MUC5B: variants seen among roughly 807,000 people sequenced by gnomAD.
MUC5B encodes the protein mucin-5B.
Under a neutral mutation model 376.9 loss-of-function variants are expected in MUC5B, and 116 were observed. The observed-to-expected ratio is 0.31, with a 90% CI of 0.26 to 0.36. The LOEUF is 0.36. Among genes scored for constraint, MUC5B ranks in the 10% least tolerant of loss-of-function variants. The pLI, the probability that MUC5B is intolerant of heterozygous loss-of-function variation, is 1.00. For synonymous variants in MUC5B, 3,517 were observed against 3,390.9 expected, an observed-to-expected ratio of 1.04 and a Z score of -1.29; for missense variants, 7,165 against 7,769.9, an observed-to-expected ratio of 0.92 and a Z score of 2.93.
chr11:1,248,328 G>A lies in MUC5B; in HGVS notation c.11448G>A (p.Thr3816=), dbSNP rs541243156. ...GCCTATCACAGACCACCACACCCACGGCCACCATGTCCACAGCCACACCCT... is the reference window on the plus strand; with the variant it reads ...GCCTATCACAGACCACCACACCCACAGCCACCATGTCCACAGCCACACCCT... ...WTRLSQTTTP[T]ATMSTATPSS... Residue 3816 remains threonine, a synonymous_variant, in exon 31 of 49, where the codon ACG becomes ACA. Coordinates refer to ENST00000529681, the MANE Select transcript of MUC5B (RefSeq NM_002458.3). 64 of 1,609,644 alleles carry A rather than the reference G, an allele frequency of 4.0e-5. No homozygotes were observed. Among genetic ancestry groups the A allele is most frequent in the South Asian group, 3.3e-4 (30 of 90,776 alleles).
In MUC5B at chr11:1,228,096, C is replaced by T. The variant is rs928274828; in HGVS notation, c.774+315C>T. Among the ~76,000 whole-genome samples, 17 of 152,204 alleles carry T rather than the reference C, an allele frequency of 1.1e-4. 1 individual carries two copies. The South Asian group carries it at 3.5e-3, about 32-fold the overall frequency. On this transcript the variant is annotated intron_variant, in intron 7 of 48. Coordinates refer to ENST00000529681, the MANE Select transcript of MUC5B (RefSeq NM_002458.3). ...ACCAGCAGGTGGACTCAGAAGGGGC[C>T]TGGAGGCTCCAGGATCCCCAAACCA...
chr11:1,233,647 G>A (rs758410774), intron 18 of MUC5B, 146 bp from the exon 19 acceptor site: 50 of 774,484 alleles, frequency 6.5e-5, no homozygotes, highest in Non-Finnish European at 8.3e-5. Flanking sequence ...GGGGCTCCCA[G>A]CAAACACAGC....
Position 1,249,750 on chromosome 11 carries a change from A to G in MUC5B, c.12870A>G (p.Thr4290=). The G allele has an allele frequency of 6.2e-7, 1 of 1,611,892 alleles. No individual in the cohort carries two copies. Among genetic ancestry groups the G allele is most frequent in the Non-Finnish European group, 8.5e-7 (1 of 1,179,108 alleles). Residue 4290 remains threonine (T), a synonymous_variant, in exon 31 of 49, where the codon ACA becomes ACG. Transcript: ENST00000529681. ...KVLTSPATTP[T]ATSSKATSSS... ...TGACCAGCCCGGCCACCACACCCAC[A>G]GCCACCAGTTCCAAAGCCACTTCCT...
rs200912848 is a variant in MUC5B, at chr11:1,249,662, C to T, written c.12782C>T (p.Ala4261Val). The T allele has an allele frequency of 3.1e-6, 5 of 1,611,272 alleles. No individual in the cohort carries two copies. In the Admixed American group the frequency reaches 5.0e-5, roughly 16 times the overall value. Reference sequence around the variant, plus strand: ...CTGACCACAACAGCCACTACGACTGCATCCACTGGATCCACGGCCACCCCG... The same window carrying T: ...CTGACCACAACAGCCACTACGACTGTATCCACTGGATCCACGGCCACCCCG... ...TELTTTATTT[A>V]STGSTATPSS... Residue 4261 changes from alanine (A) to valine (V), a missense_variant, in exon 31 of 49, where the codon GCA becomes GTA. By Grantham distance (64) the Ala-to-Val change is moderately conservative. This residue lies in a region of MUC5B where 431 missense variants were observed against 390.4 expected (regional missense o/e 1.10). Transcript: ENST00000529681.
intron 26 of MUC5B, 78 bp from the exon 27 acceptor site, chr11:1,239,359 GC>G (rs1564937190): frequency 6.6e-7 from 1 of 1,508,438 alleles, no homozygotes; most frequent in African/African-American, 1.4e-5. Context: ...CGGCCCCCAC[GC>G]CCGGGGTAGG....
In MUC5B at chr11:1,260,220, A is replaced by ACCCCTGCCTGGGAGGCCCCG. The variant is rs1862960828; in HGVS notation, c.16924-122_16924-103dup. 1.6e-5 allele frequency: 20 copies of ACCCCTGCCTGGGAGGCCCCG among 1,247,550 alleles called. No homozygotes were observed. In the East Asian group the frequency reaches 5.6e-4, roughly 35 times the overall value. 77.3% of individuals were successfully genotyped at this position (1,247,550 alleles called of 1,614,324 possible). On this transcript the variant is annotated intron_variant, in intron 46 of 48. Coordinates refer to ENST00000529681, the MANE Select transcript of MUC5B (RefSeq NM_002458.3). ...GCCCCACCCCTGCCTGGGAAGCCCC[A>ACCCCTGCCTGGGAGGCCCCG]CCCCTGCCTGGGAGGCCCCGCCCCT...
intron 1 of MUC5B, among the ~76,000 whole-genome samples, chr11:1,224,821 A>G (rs1861845825): frequency 6.6e-6 from 1 of 152,098 alleles, no homozygotes; most frequent in Non-Finnish European, 1.5e-5. Context: ...TGCGAACCAC[A>G]GGGCCGGCCC....
At position 1,244,683 on chromosome 11, in the gene MUC5B, A is replaced by G; in HGVS notation, c.7803A>G (p.Gly2601=). The change falls in exon 31 of 49, where the codon GGA becomes GGG. Residue 2601 remains glycine (G), a synonymous_variant. Coordinates refer to ENST00000529681, the MANE Select transcript of MUC5B (RefSeq NM_002458.3). ...GSVATPSSTP[G]TAHTTKVLTT... ...TGGCCACCCCCTCCTCCACCCCAGG[A>G]ACAGCTCACACTACCAAAGTGCTGA... 2 of 1,611,550 alleles carry G rather than the reference A, an allele frequency of 1.2e-6. No homozygotes were observed. The highest frequency in any genetic ancestry group is 1.7e-6 in the Non-Finnish European group (2 of 1,178,924).
chr11:1,255,279 C>G lies in MUC5B; in HGVS notation c.15890+13C>G. ...TGATGCTGAGCCAGTGAGTCCTCCCCTCGGGGGTTGCAGGCCCTGGGGCGC... is the reference window on the plus strand; with the variant it reads ...TGATGCTGAGCCAGTGAGTCCTCCCGTCGGGGGTTGCAGGCCCTGGGGCGC... On this transcript the variant is annotated intron_variant, in intron 36 of 48. Coordinates refer to ENST00000529681, the MANE Select transcript of MUC5B (RefSeq NM_002458.3). 1 of 1,510,334 alleles carries G rather than the reference C, an allele frequency of 6.6e-7. No homozygotes were observed. The allele number at this position is 1,510,334 out of a possible 1,614,324, so 93.6% of individuals were successfully genotyped here.
intron 14 of MUC5B, 59 bp downstream of exon 14, chr11:1,231,619 G>A (rs529061067): frequency 4.9e-4 from 738 of 1,505,042 alleles, no homozygotes; most frequent in Non-Finnish European, 5.9e-4. Context: ...CTGGACTAGC[G>A]CCAGGCTGCA....
At position 1,236,983 on chromosome 11, in the gene MUC5B, C is replaced by T. The variant is rs61742791; in HGVS notation, c.3116C>T (p.Thr1039Met). 4.1e-4 allele frequency: 645 copies of T among 1,562,590 alleles called. 5 individuals carry two copies. In the African/African-American group the frequency reaches 6.2e-3, roughly 15 times the overall value. ...GACAATGCCATCAATGACTTTGCCA[C>T]GCGTAGCCGGTCCGTGGTGGGGGAC... is the stretch of plus-strand genomic sequence containing the variant. The part of the protein sequence containing the change: ...FDDNAINDFA[T>M]RSRSVVGDAL... Residue 1039 changes from threonine (T) to methionine (M), a missense_variant, in exon 25 of 49, where the codon ACG becomes ATG. Coordinates refer to ENST00000529681, the MANE Select transcript of MUC5B (RefSeq NM_002458.3).
Position 1,247,386 on chromosome 11 carries a change from C to A in MUC5B, c.10506C>A (p.Thr3502=), listed in dbSNP as rs1295910025. ...SHTPAATTST[T]QHSTPALSSP... ...CCCCAGCAGCAACCACCAGTACCAC[C>A]CAGCACTCGACTCCAGCCCTGTCCA... is the stretch of plus-strand genomic sequence containing the variant. The change falls in exon 31 of 49, where the codon ACC becomes ACA. Residue 3502 remains threonine (T), a synonymous_variant. Coordinates refer to ENST00000529681, the MANE Select transcript of MUC5B (RefSeq NM_002458.3). The A allele has an allele frequency of 3.1e-6, 5 of 1,610,158 alleles. No homozygotes were observed. The highest frequency in any genetic ancestry group is 3.4e-6 in the Non-Finnish European group (4 of 1,179,082).
rs1862516673 is a variant in MUC5B, at chr11:1,247,358, A to G, written c.10478A>G (p.His3493Arg). The G allele has an allele frequency of 6.2e-7, 1 of 1,609,764 alleles. No individual in the cohort carries two copies. Among genetic ancestry groups the G allele is most frequent in the South Asian group, 1.1e-5 (1 of 90,826 alleles). Residue 3493 changes from histidine to arginine, a missense_variant, in exon 31 of 49, where the codon CAC becomes CGC. By Grantham distance (29) the His-to-Arg change is conservative (BLOSUM62 0). Around this residue, in one of 31 missense-constraint regions of MUC5B, gnomAD observed 939 missense variants for 770.6 expected, o/e 1.22. Transcript: ENST00000529681. ...HITEPSTVTS[H>R]TPAATTSTTQ... ...ACAGAGCCTTCCACGGTGACTTCCCACACCCCAGCAGCAACCACCAGTACC... is the reference window on the plus strand; with the variant it reads ...ACAGAGCCTTCCACGGTGACTTCCCGCACCCCAGCAGCAACCACCAGTACC...
At position 1,257,739 on chromosome 11, in the gene MUC5B, G is replaced by A; in HGVS notation, c.16450+29G>A. On this transcript the variant is annotated intron_variant, in intron 41 of 48. Coordinates refer to ENST00000529681, the MANE Select transcript of MUC5B (RefSeq NM_002458.3). This position sits in a 1 kb window ranked among gnomAD's most constrained non-coding sequence, Gnocchi z 8.9. ...AGACGCTGCAGAGCAGAGGTGCCCG[G>A]CATAGGGTGAGGGGGGACAGAGCCG... 6.6e-7 allele frequency: 1 copy of A among 1,521,466 alleles called. No individual in the cohort carries two copies. The highest frequency in any genetic ancestry group is 8.8e-7 in the Non-Finnish European group (1 of 1,137,464). 94.2% of individuals were successfully genotyped at this position (1,521,466 alleles called of 1,614,324 possible).
rs375647544 is a variant in MUC5B, at chr11:1,252,470, G to A, written c.14991G>A (p.Pro4997=). The A allele has an allele frequency of 1.3e-4, 200 of 1,598,484 alleles. No homozygotes were observed. The African/African-American group carries it at 1.5e-3, about 12-fold the overall frequency. ...PTSPPPVSSA[P]LSSPSPAPGC... Reference sequence around the variant, plus strand: ...CCCCACCGCCAGTGTCCTCCGCCCCGCTGTCCTCGCCCTCCCCTGCCCCTG... The same window carrying A: ...CCCCACCGCCAGTGTCCTCCGCCCCACTGTCCTCGCCCTCCCCTGCCCCTG... The change falls in exon 32 of 49, where the codon CCG becomes CCA. Residue 4997 remains proline (P), a synonymous_variant. Coordinates refer to ENST00000529681, the MANE Select transcript of MUC5B (RefSeq NM_002458.3).
chr11:1,239,789 C>A lies in MUC5B; in HGVS notation c.3584-10C>A. 6.2e-7 allele frequency: 1 copy of A among 1,606,526 alleles called. No homozygotes were observed. The highest frequency in any genetic ancestry group is 1.7e-4 in the Middle Eastern group (1 of 6,000). On this transcript the variant is annotated splice_polypyrimidine_tract_variant and intron_variant, in intron 27 of 48. Transcript: ENST00000529681. ...CCTGGTGAGTCTTCTGCTCACCCTG[C>A]CGGCCCTAGGCTGCTACCCGAAGTG...
Position 1,234,445 on chromosome 11 carries a change from G to C in MUC5B, c.2479-84G>C. The C allele has an allele frequency of 6.6e-7, 1 of 1,521,312 alleles. No individual in the cohort carries two copies. The highest frequency in any genetic ancestry group is 8.9e-7 in the Non-Finnish European group (1 of 1,127,494). The allele number at this position is 1,521,312 out of a possible 1,614,324, so 94.2% of individuals were successfully genotyped here. A position where few individuals can be genotyped will look rare whatever the true frequency, so the allele number is the denominator to read the frequency against. On this transcript the variant is annotated intron_variant, in intron 20 of 48. Coordinates refer to ENST00000529681, the MANE Select transcript of MUC5B (RefSeq NM_002458.3). This position sits in a 1 kb window ranked among gnomAD's most constrained non-coding sequence, Gnocchi z 6.3. ...TGGCCCATGCGTTGCCCTGGGTGCT[G>C]CTGGGTGCGCCTGTCCCAGAGGGTG...
Position 1,249,248 on chromosome 11 carries a change from T to C in MUC5B, c.12368T>C (p.Val4123Ala). ...SSPTSAPITTVVTTGCEPQCA... is the reference protein window; with the variant it reads ...SSPTSAPITTAVTTGCEPQCA... The stretch of plus-strand genomic sequence containing the variant: ...CCCACATCGGCCCCCATAACCACGG[T>C]GGTGACCACGGGCTGTGAGCCCCAG... Residue 4123 changes from valine (V) to alanine (A), a missense_variant, in exon 31 of 49, where the codon GTG (valine) becomes GCG (alanine). Val to Ala is a moderately conservative substitution (Grantham distance 64). This residue lies in a region of MUC5B where 47 missense variants were observed against 88.4 expected (regional missense o/e 0.53). Transcript: ENST00000529681. 1 of 1,611,504 alleles carries C rather than the reference T, an allele frequency of 6.2e-7. No individual in the cohort carries two copies. Among genetic ancestry groups the C allele is most frequent in the South Asian group, 1.1e-5 (1 of 90,976 alleles).
chr11:1,252,959 G>C lies in MUC5B; in HGVS notation c.15196G>C (p.Asp5066His), dbSNP rs1179470583. 1 of 1,612,686 alleles carries C rather than the reference G, an allele frequency of 6.2e-7. No individual in the cohort carries two copies. Among genetic ancestry groups the C allele is most frequent in the Non-Finnish European group, 8.5e-7 (1 of 1,179,862 alleles). The change falls in exon 33 of 49, where the codon GAC becomes CAC. Residue 5066 changes from aspartate to histidine, a missense_variant. Transcript: ENST00000529681. ...IKVSDPSQPC[D>H]FHYECECICS... ...AGTGTCGGACCCGAGCCAGCCCTGT[G>C]ACTTCCACTATGAGTGCGAGTGTGA...
Sources: gnomAD v4.1 joint callset for allele counts (sites outside exome capture counted in the v4.1 genomes callset) on GRCh38, gnomAD v4.1.1 for gene constraint, gnomAD v4.1.1 regional missense constraint, Gnocchi (gnomAD v3.1) non-coding constraint, MANE v1.5 for transcripts, NCBI Gene and HGNC (gene_info 2026-07-23, HGNC 2026-07-21) for gene names.